The following TMEM178B variants were observed in gnomAD, a reference collection of about 807,000 sequenced individuals.
The protein encoded by TMEM178B is transmembrane protein 178B.
Under a neutral mutation model 31.0 loss-of-function variants are expected in TMEM178B, and 5 were observed. The observed-to-expected ratio is 0.16, with a 90% confidence interval of 0.08 to 0.34. The LOEUF is 0.34. TMEM178B is among the 10% of genes least tolerant of loss of function. The pLI is 1.00. For missense variants in TMEM178B, 275 were observed against 400.3 expected (o/e 0.69, Z 2.67); for synonymous variants, 164 against 164.0 (o/e 1.00, Z 0.00).
Position 141,479,708 on chromosome 7 carries a change from G to A in TMEM178B, c.*8922G>A, listed in dbSNP as rs2116743971. The A allele has an allele frequency of 6.6e-6, 1 of 152,294 alleles. No homozygotes were observed. Among genetic ancestry groups the A allele is most frequent in the Admixed American group, 6.5e-5 (1 of 15,296 alleles). 9.4% of individuals were successfully genotyped at this position (152,294 alleles called of 1,614,324 possible). ...GTTTTATATATGGTCATTAGACAGG[G>A]ACCATAACTGACAAAACTCTCAAAC... is the stretch of plus-strand genomic sequence containing the variant. On this transcript the variant is annotated 3_prime_UTR_variant, in exon 4 of 4. Transcript: ENST00000565468.
chr7:141,317,772 G>T (rs1220492550), intron 2 of TMEM178B, among the ~76,000 whole-genome samples: 2 of 152,300 alleles, frequency 1.3e-5, no homozygotes, highest in Admixed American at 6.5e-5. Flanking sequence ...CATTTAACCA[G>T]AATCTAGGGA....
intron 2 of TMEM178B, among the ~76,000 whole-genome samples, chr7:141,403,679 G>A (rs80276994): frequency 0.022 from 3,335 of 152,318 alleles, 48 homozygotes; most frequent in Middle Eastern, 0.037. Flanking sequence ...TCTACATCAA[G>A]TACTTAGTCC....
rs117309555 is a variant in TMEM178B, at chr7:141,209,022, G to C, written c.383-3569G>C. 6.7e-3 allele frequency among the ~76,000 whole-genome samples: 1,020 copies of C among 152,278 alleles called. 7 individuals are homozygous for C. The highest frequency in any genetic ancestry group is 0.012 in the South Asian group (56 of 4,824). ...AGACAAAGGCAGACCTTCTGGCAGGGGCAGCCCCCAACACCCTCCAGCAGG... is the reference window on the plus strand; with the variant it reads ...AGACAAAGGCAGACCTTCTGGCAGGCGCAGCCCCCAACACCCTCCAGCAGG... On this transcript the variant is annotated intron_variant, in intron 1 of 3. Coordinates refer to ENST00000565468, the MANE Select transcript of TMEM178B (RefSeq NM_001195278.2).
intron 2 of TMEM178B, chr7:141,430,019 T>C (rs1801394230): frequency 6.6e-6 from 1 of 152,250 alleles, no homozygotes; most frequent in South Asian, 2.1e-4. Context: ...CAGTGCTTAC[T>C]GCCAGAGCCC....
At chr7:141,353,740 A>G (rs967054459) in intron 2 of TMEM178B, among the ~76,000 whole-genome samples, 1 of 152,234 alleles carries the variant, frequency 6.6e-6, no homozygotes, top group African/African-American at 2.4e-5. Flanking sequence ...CTTCTTTAAG[A>G]CAGTGACCAT....
intron 2 of TMEM178B, among the ~76,000 whole-genome samples, chr7:141,316,647 T>C (rs956897468): frequency 2.6e-5 from 4 of 152,198 alleles, no homozygotes; most frequent in Non-Finnish European, 5.9e-5. Flanking sequence ...CAAGTATCTA[T>C]TGAGTACCTA....
chr7:141,371,529 A>T (rs1044708121), intron 2 of TMEM178B, among the ~76,000 whole-genome samples: 2 of 152,202 alleles, frequency 1.3e-5, no homozygotes, highest in African/African-American at 4.8e-5. Flanking sequence ...CACAAAACAG[A>T]CTAAGACACT....
rs1000088662 is a variant in TMEM178B, at chr7:141,479,944, G to T, written c.*9158G>T. ...ATATTATGTTAATTTGTTCTGATAT[G>T]ATGTGAATAAATGTGTTGTTTAATC... On this transcript the variant is annotated 3_prime_UTR_variant, in exon 4 of 4. Transcript: ENST00000565468. The T allele has an allele frequency of 6.6e-6, 1 of 152,192 alleles. No homozygotes were observed. Among genetic ancestry groups the T allele is most frequent in the Non-Finnish European group, 1.5e-5 (1 of 68,040 alleles). 9.4% of individuals were successfully genotyped at this position (152,192 alleles called of 1,614,324 possible). A position where few individuals can be genotyped will look rare whatever the true frequency, so the allele number is the denominator to read the frequency against.
chr7:141,132,918 G>A (rs540289341), intron 1 of TMEM178B, among the ~76,000 whole-genome samples: 14 of 152,260 alleles, frequency 9.2e-5, no homozygotes, highest in African/African-American at 2.9e-4. Context: ...GAGCCTTGCC[G>A]TAACCTCCAC....
intron 2 of TMEM178B, among the ~76,000 whole-genome samples, chr7:141,267,985 AT>A (rs1223652156): frequency 6.6e-6 from 1 of 152,244 alleles, no homozygotes; most frequent in Non-Finnish European, 1.5e-5. Flanking sequence ...ATTCCAGCCC[AT>A]TTGTGGCTCT....
At chr7:141,462,557 C>T (rs1182216565) in intron 3 of TMEM178B, among the ~76,000 whole-genome samples, 2 of 151,786 alleles carry the variant, frequency 1.3e-5, no homozygotes, top group Non-Finnish European at 1.5e-5. Context: ...GGAGCCAGGG[C>T]AGCTTGGAAA....
At chr7:141,118,865 G>GA (rs887001324) in intron 1 of TMEM178B, among the ~76,000 whole-genome samples, 4 of 152,166 alleles carry the variant, frequency 2.6e-5, no homozygotes, top group Admixed American at 6.6e-5. Flanking sequence ...AGCCACTTCG[G>GA]AAAATCTTAC....
intron 1 of TMEM178B, among the ~76,000 whole-genome samples, chr7:141,131,915 G>C (rs1214858594): frequency 6.6e-6 from 1 of 152,156 alleles, no homozygotes; most frequent in Non-Finnish European, 1.5e-5. Flanking sequence ...AACAATATAG[G>C]AAAGTTGCAG....
chr7:141,367,088 G>A (rs1157028617), intron 2 of TMEM178B, among the ~76,000 whole-genome samples: 3 of 150,522 alleles, frequency 2.0e-5, no homozygotes, highest in Non-Finnish European at 4.4e-5. Context: ...GACAGCAGGG[G>A]GGAGGGGTGG....
intron 2 of TMEM178B, among the ~76,000 whole-genome samples, chr7:141,276,892 G>A (rs1221818836): frequency 2.0e-5 from 3 of 152,150 alleles, no homozygotes; most frequent in African/African-American, 4.8e-5. Context: ...AATAGTATTC[G>A]TGTATTTAAA....
At chr7:141,180,722 G>A (rs1273891296) in intron 1 of TMEM178B, among the ~76,000 whole-genome samples, 1 of 152,124 alleles carries the variant, frequency 6.6e-6, no homozygotes, top group East Asian at 1.9e-4. Context: ...CCTTGCTGAG[G>A]ACAGTAGTGT....
intron 1 of TMEM178B, among the ~76,000 whole-genome samples, chr7:141,101,561 T>C (rs1795057190): frequency 6.6e-6 from 1 of 152,246 alleles, no homozygotes; most frequent in Non-Finnish European, 1.5e-5. Context: ...ATAATGGTAA[T>C]AATCCTGAAA....
chr7:141,300,826 C>T (rs1563145241), intron 2 of TMEM178B, among the ~76,000 whole-genome samples: 1 of 152,182 alleles, frequency 6.6e-6, no homozygotes, highest in Non-Finnish European at 1.5e-5. Flanking sequence ...ATCCTTCCCT[C>T]TTTCCTCTTT....
At chr7:141,362,668 C>T (rs1171649010) in intron 2 of TMEM178B, among the ~76,000 whole-genome samples, 2 of 152,138 alleles carry the variant, frequency 1.3e-5, no homozygotes, top group East Asian at 1.9e-4. Context: ...AGGTCAGCAT[C>T]ATAACTTTGC....
Sources: allele counts gnomAD v4.1 joint callset (sites outside exome capture counted in the v4.1 genomes callset), GRCh38; gene constraint gnomAD v4.1.1; transcripts MANE v1.5; gene names NCBI Gene and HGNC (gene_info 2026-07-23, HGNC 2026-07-21).